Variants in HHLA1 observed in about 807,000 individuals in gnomAD.
HHLA1 encodes HERV-H LTR-associating protein 1.
In HHLA1, 72 loss-of-function variants were observed where a neutral mutation model predicts 69.9. The observed-to-expected ratio is 1.03, with a 90% CI of 0.85 to 1.25. The LOEUF is 1.25. Ranked by LOEUF, HHLA1 falls within the 50% of genes most tolerant of loss-of-function variation. The pLI, the probability that HHLA1 is intolerant of heterozygous loss-of-function variation, is 0.00. For synonymous variants in HHLA1, 252 were observed against 233.2 expected (o/e 1.08, Z -0.73); for missense variants, 685 against 642.2 (o/e 1.07, Z -0.72).
intron 13 of HHLA1, 31 bp downstream of exon 13, chr8:132,076,444 C>CA: frequency 2.1e-6 from 3 of 1,405,764 alleles, no homozygotes; most frequent in Non-Finnish European, 2.0e-6. Context: ...CCCCCACCCC[C>CA]AAACCCCCAC....
intron 10 of HHLA1, among the ~76,000 whole-genome samples, chr8:132,082,185 A>G (rs142623153): frequency 0.017 from 2,659 of 152,280 alleles, 80 homozygotes; most frequent in African/African-American, 0.057. Flanking sequence ...TGAAGGAGCC[A>G]GGAAGCAGAA....
At chr8:132,087,615 GA>G in intron 10 of HHLA1, 37 bp downstream of exon 10, 1 of 1,388,002 alleles carries the variant, frequency 7.2e-7, no homozygotes, top group East Asian at 2.5e-5. Context: ...CCCTGGTCTG[GA>G]GAGTCTATGG....
intron 12 of HHLA1, among the ~76,000 whole-genome samples, chr8:132,076,860 G>A (rs1228840828): frequency 1.3e-5 from 2 of 151,922 alleles, no homozygotes; most frequent in African/African-American, 2.4e-5. Flanking sequence ...GGTGATCCAG[G>A]GCAAAGAAAA....
chr8:132,099,031 A>T (rs144485846), intron 4 of HHLA1, 69 bp from the exon 5 acceptor site: 1 of 1,188,202 alleles, frequency 8.4e-7, no homozygotes, highest in African/African-American at 1.6e-5. Context: ...TCTCATTTCC[A>T]AACTTCAGGC....
intron 15 of HHLA1, chr8:132,070,412 T>C (rs1319506086): frequency 1.4e-6 from 1 of 701,712 alleles, no homozygotes; most frequent in East Asian, 2.7e-5. Flanking sequence ...CTTCTAATTA[T>C]TCTCTCCTAG....
intron 7 of HHLA1, among the ~76,000 whole-genome samples, chr8:132,091,923 T>C (rs1471531557): frequency 1.3e-5 from 2 of 152,234 alleles, no homozygotes; most frequent in African/African-American, 2.4e-5. Context: ...GCAAGTACTC[T>C]AAGTGATTTT....
rs556108899 is a variant in HHLA1 at position 132,071,340 on chromosome 8, C to G, written c.1469G>C (p.Arg490Thr). The change falls in exon 15 of 17, where the codon AGA (arginine) becomes ACA (threonine). Residue 490 changes from arginine (R) to threonine (T), a missense_variant and splice_region_variant. Transcript: ENST00000414222. ...SQRSPRTEDM[R>T]YCLEYYSWFL... ...AAAAGAAGCCACTGGGCCAAGTTAC[C>G]TCATGTCCTCTGTCCTGGGACTCCT... The G allele has an allele frequency of 7.7e-6, 12 of 1,549,548 alleles. No homozygotes were observed. The South Asian group carries it at 1.4e-4, about 19-fold the overall frequency.
chr8:132,094,721 T>A (rs901149792), intron 7 of HHLA1, among the ~76,000 whole-genome samples: 3 of 152,296 alleles, frequency 2.0e-5, no homozygotes, highest in African/African-American at 4.8e-5. Flanking sequence ...ACACACCATG[T>A]ACTTGCAGTA....
chr8:132,081,443 G>T (rs1220447782), intron 10 of HHLA1, among the ~76,000 whole-genome samples: 1 of 152,136 alleles, frequency 6.6e-6, no homozygotes, highest in African/African-American at 2.4e-5. Flanking sequence ...GTTTTTAAAA[G>T]ACCTTTAGTC....
intron 11 of HHLA1, 63 bp downstream of exon 11, chr8:132,079,655 G>A (rs1194014770): frequency 1.2e-5 from 18 of 1,459,536 alleles, no homozygotes; most frequent in Admixed American, 2.7e-5. Context: ...TTATATATGT[G>A]AGCCTAGAGG....
intron 8 of HHLA1, 107 bp from the exon 9 acceptor site, chr8:132,088,008 G>C: frequency 1.2e-6 from 1 of 820,650 alleles, no homozygotes; most frequent in Non-Finnish European, 2.0e-6. Context: ...GGATAATATA[G>C]GAAAATAAGC....
Position 132,105,298 on chromosome 8 carries a change from C to G in HHLA1, c.-21-12G>C. ...ATACTCTGGCCCACCTGGAATGAAG[C>G]AAGCAAACACTTAGGAAACTAAGCA... On this transcript the variant is annotated splice_polypyrimidine_tract_variant and intron_variant, in intron 1 of 16. Transcript: ENST00000414222. 4 of 1,508,052 alleles carry G rather than the reference C, an allele frequency of 2.7e-6. No individual in the cohort carries two copies. Among genetic ancestry groups the G allele is most frequent in the Non-Finnish European group, 3.6e-6 (4 of 1,106,904 alleles). The allele number at this position is 1,508,052 out of a possible 1,614,324, so 93.4% of individuals were successfully genotyped here. A position where few individuals can be genotyped will look rare whatever the true frequency, so the allele number is the denominator to read the frequency against.
At chr8:132,077,055 T>A (rs1823657779) in intron 12 of HHLA1, among the ~76,000 whole-genome samples, 1 of 152,094 alleles carries the variant, frequency 6.6e-6, no homozygotes, top group African/African-American at 2.4e-5. Flanking sequence ...TCTGTTAAGA[T>A]TCTGGCCTCT....
Position 132,087,493 on chromosome 8 carries a change from G to A in HHLA1, c.676+160C>T, listed in dbSNP as rs552448076. On this transcript the variant is annotated intron_variant, in intron 10 of 16. Transcript: ENST00000414222. ...TCTAGAATTGCCAGACCTTTTGCAA[G>A]AGAATCCAGAAATTCATTTTTTTAA... is the stretch of plus-strand genomic sequence containing the variant. Among the ~76,000 whole-genome samples, 3 of 152,276 alleles carry A rather than the reference G, an allele frequency of 2.0e-5. No individual in the cohort carries two copies. The East Asian group carries it at 5.8e-4, about 29-fold the overall frequency.
At chr8:132,072,583 C>T (rs372140483) in intron 14 of HHLA1, among the ~76,000 whole-genome samples, 1 of 152,086 alleles carries the variant, frequency 6.6e-6, no homozygotes, top group African/African-American at 2.4e-5. Context: ...TACAATATTA[C>T]TAATAATCTT....
intron 11 of HHLA1, among the ~76,000 whole-genome samples, 159 bp from the exon 12 acceptor site, chr8:132,078,130 T>C (rs1204420700): frequency 6.6e-6 from 1 of 151,426 alleles, no homozygotes; most frequent in African/African-American, 2.4e-5. Flanking sequence ...TGAACTGAAA[T>C]AAATGGACCA....
At position 132,062,490 on chromosome 8, in the gene HHLA1, G is replaced by A. The variant is rs1823369074; in HGVS notation, c.*1505C>T. ...CTTTCCTCACCCAAGGGCAGCCCTA[G>A]GTCACAAAAGGGTAAAAAAAATACT... is the stretch of plus-strand genomic sequence containing the variant. On this transcript the variant is annotated 3_prime_UTR_variant, in exon 17 of 17. Transcript: ENST00000414222. 1 of 152,080 alleles carries A rather than the reference G, an allele frequency of 6.6e-6. No homozygotes were observed. Among genetic ancestry groups the A allele is most frequent in the Non-Finnish European group, 1.5e-5 (1 of 68,046 alleles). The allele number at this position is 152,080 out of a possible 1,614,324, so 9.4% of individuals were successfully genotyped here. A position where few individuals can be genotyped will look rare whatever the true frequency, so the allele number is the denominator to read the frequency against.
Position 132,098,950 on chromosome 8 carries a change from C to T in HHLA1, c.212G>A (p.Arg71Lys). The T allele has an allele frequency of 6.5e-7, 1 of 1,550,132 alleles. No homozygotes were observed. Among genetic ancestry groups the T allele is most frequent in the Non-Finnish European group, 8.7e-7 (1 of 1,145,988 alleles). ...AFLATTELPARSIDLSALNLT... is the reference protein window; with the variant it reads ...AFLATTELPAKSIDLSALNLT... ...GTTAAGCGCGGACAGATCGATTGAC[C>T]TTGCGGGCAGCTCTGAAAGAGATTC... The change falls in exon 5 of 17, where the codon AGG (arginine) becomes AAG (lysine). Residue 71 changes from arginine to lysine, a missense_variant. Transcript: ENST00000414222.
intron 10 of HHLA1, among the ~76,000 whole-genome samples, chr8:132,081,612 C>T (rs1229313151): frequency 6.6e-6 from 1 of 152,182 alleles, no homozygotes; most frequent in South Asian, 2.1e-4. Flanking sequence ...TTATGTCTGA[C>T]AGAACAGAAG....
Sources: gnomAD v4.1 joint callset for allele counts (sites outside exome capture counted in the v4.1 genomes callset) on GRCh38, gnomAD v4.1.1 for gene constraint, MANE v1.5 for transcripts, NCBI Gene and HGNC (gene_info 2026-07-23, HGNC 2026-07-21) for gene names.